STAG1: variants seen among roughly 807,000 people sequenced by gnomAD.
STAG1 encodes STAG1 cohesin complex component.
In STAG1, 26 loss-of-function variants were observed where a neutral mutation model predicts 170.9. The ratio of observed to expected loss-of-function variants is 0.15; its 90% confidence interval spans 0.11 to 0.21. The LOEUF is 0.21. Among genes scored for constraint, STAG1 ranks in the 10% least tolerant of loss-of-function variants. The pLI is 1.00. For missense variants in STAG1, 964 were observed against 1,509.5 expected (o/e 0.64, Z 5.99); for synonymous variants, 514 against 497.7 (o/e 1.03, Z -0.44).
At chr3:136,377,887 A>G (rs75774049) in intron 22 of STAG1, 135 bp from the exon 23 acceptor site, 2 of 687,892 alleles carry the variant, frequency 2.9e-6, no homozygotes, top group Non-Finnish European at 2.5e-6. Context: ...AATGTTGGGA[A>G]CCATTTAATG....
intron 1 of STAG1, chr3:136,737,016 C>T: frequency 2.6e-6 from 4 of 1,567,268 alleles, no homozygotes; most frequent in Non-Finnish European, 8.8e-7. Context: ...TGGATAACTG[C>T]CGCTTTTTTA....
At position 136,349,214 on chromosome 3, in the gene STAG1, G is replaced by T. The variant is rs1377634957; in HGVS notation, c.3215C>A (p.Thr1072Asn). 6 of 1,614,030 alleles carry T rather than the reference G, an allele frequency of 3.7e-6. No individual in the cohort carries two copies. Among genetic ancestry groups the T allele is most frequent in the Non-Finnish European group, 5.1e-6 (6 of 1,179,994 alleles). ...SVNSGSSSSK[T>N]SSVRNKKGRP... ...TCCTTTCTTATTCCTTACTGATGAG[G>T]TTTTGCTGCTGCTACTTCCACTGTT... is the stretch of plus-strand genomic sequence containing the variant. Residue 1072 changes from threonine (T) to asparagine (N), a missense_variant, in exon 29 of 34, where the codon ACC (threonine) becomes AAC (asparagine). This residue lies in a region of STAG1 where 122 missense variants were observed against 129.0 expected (regional missense o/e 0.95). Coordinates refer to ENST00000383202, the MANE Select transcript of STAG1 (RefSeq NM_005862.3).
At chr3:136,603,452 T>C (rs1279639256) in intron 4 of STAG1, among the ~76,000 whole-genome samples, 2 of 152,140 alleles carry the variant, frequency 1.3e-5, no homozygotes. Context: ...ACATAAATAA[T>C]AAACACATTT....
intron 22 of STAG1, among the ~76,000 whole-genome samples, chr3:136,393,556 A>G (rs904832578): frequency 3.9e-5 from 6 of 151,922 alleles, no homozygotes; most frequent in African/African-American, 1.5e-4. Flanking sequence ...ACAATAAGGT[A>G]ATGACAACAA....
Position 136,357,992 on chromosome 3 carries a change from A to AATCT in STAG1, c.2937-145_2937-144insAGAT, listed in dbSNP as rs549998404. On this transcript the variant is annotated intron_variant, in intron 27 of 33. Coordinates refer to ENST00000383202, the MANE Select transcript of STAG1 (RefSeq NM_005862.3). ...TAAATTCAAATAATAAACTAATGTG[A>AATCT]ATATATAGGACATATTTGTGTATAT... The AATCT allele has an allele frequency of 4.5e-5, 29 of 649,518 alleles. No individual in the cohort carries two copies. In the Middle Eastern group the frequency reaches 1.2e-3, roughly 27 times the overall value. The allele number at this position is 649,518 out of a possible 1,614,324, so 40.2% of individuals were successfully genotyped here. A position where few individuals can be genotyped will look rare whatever the true frequency, so the allele number is the denominator to read the frequency against.
At chr3:136,384,442 T>TC (rs925911080) in intron 22 of STAG1, among the ~76,000 whole-genome samples, 2 of 138,462 alleles carry the variant, frequency 1.4e-5, no homozygotes, top group African/African-American at 5.4e-5. Context: ...AGAGCAAGAC[T>TC]CCGTCTCAAA....
intron 1 of STAG1, among the ~76,000 whole-genome samples, chr3:136,680,559 A>C (rs1434300511): frequency 6.6e-6 from 1 of 152,082 alleles, no homozygotes; most frequent in Non-Finnish European, 1.5e-5. Flanking sequence ...CGGGAAGGAA[A>C]GTTGAAAACC....
At chr3:136,427,698 T>C (rs1204506718) in intron 16 of STAG1, among the ~76,000 whole-genome samples, 1 of 151,980 alleles carries the variant, frequency 6.6e-6, no homozygotes, top group Non-Finnish European at 1.5e-5. Flanking sequence ...ATTACTGCTA[T>C]ACTAGCAGGT....
chr3:136,511,011 A>G (rs1269717651), intron 7 of STAG1, among the ~76,000 whole-genome samples: 1 of 152,046 alleles, frequency 6.6e-6, no homozygotes, highest in Non-Finnish European at 1.5e-5. Flanking sequence ...ACCTCAAGTA[A>G]TCCACCTGTC....
chr3:136,556,394 TG>T (rs1458809740), intron 5 of STAG1, among the ~76,000 whole-genome samples: 1 of 152,094 alleles, frequency 6.6e-6, no homozygotes, highest in African/African-American at 2.4e-5. Context: ...TGACATTTAG[TG>T]GGTAGAGGCC....
At chr3:136,613,982 A>C (rs1939447759) in intron 3 of STAG1, among the ~76,000 whole-genome samples, 1 of 151,866 alleles carries the variant, frequency 6.6e-6, no homozygotes, top group African/African-American at 2.4e-5. Context: ...TGGGAGGCTG[A>C]TGCGGATGGA....
intron 16 of STAG1, 71 bp from the exon 17 acceptor site, chr3:136,423,115 T>G (rs2088007455): frequency 3.1e-6 from 3 of 957,100 alleles, no homozygotes; most frequent in African/African-American, 1.7e-5. Context: ...CATATATTGA[T>G]GAAGCACTGG....
Position 136,702,980 on chromosome 3 carries a change from A to G in STAG1, c.-84+49215T>C, listed in dbSNP as rs147822215. Among the ~76,000 whole-genome samples, 18 of 151,196 alleles carry G rather than the reference A, an allele frequency of 1.2e-4. No individual in the cohort carries two copies. The East Asian group carries it at 3.6e-3, about 30-fold the overall frequency. On this transcript the variant is annotated intron_variant, in intron 1 of 33. Coordinates refer to ENST00000383202, the MANE Select transcript of STAG1 (RefSeq NM_005862.3). ...CTACTCAGGAGGCTGAGGCAGGAGAATCATTTGAACCCGGGAGGCACAGGT... is the reference window on the plus strand; with the variant it reads ...CTACTCAGGAGGCTGAGGCAGGAGAGTCATTTGAACCCGGGAGGCACAGGT...
chr3:136,705,378 A>AACACACACACACAC (rs3066789), intron 1 of STAG1, among the ~76,000 whole-genome samples: 1 of 143,206 alleles, frequency 7.0e-6, no homozygotes, highest in Non-Finnish European at 1.5e-5. Flanking sequence ...ATGATCATCA[A>AACACACACACACAC]ACACACACAC....
At chr3:136,391,913 A>G (rs2087021236) in intron 22 of STAG1, among the ~76,000 whole-genome samples, 1 of 152,230 alleles carries the variant, frequency 6.6e-6, no homozygotes, top group South Asian at 2.1e-4. Flanking sequence ...AACCCAGTGC[A>G]CTTCCATTTC....
At chr3:136,722,634 CTCTCCCCCTCCCTCTCCCCTCTCCCT>C (rs1026657295) in intron 1 of STAG1, among the ~76,000 whole-genome samples, 2 of 149,556 alleles carry the variant, frequency 1.3e-5, no homozygotes, top group African/African-American at 2.5e-5. Flanking sequence ...CTCCCTCTCC[CTCTCCCCCTCCCTCTCCCCTCTCCCT>C]TCTCCCCTCT....
At chr3:136,532,417 C>CT (rs1935419426) in intron 6 of STAG1, among the ~76,000 whole-genome samples, 1 of 152,064 alleles carries the variant, frequency 6.6e-6, no homozygotes, top group Non-Finnish European at 1.5e-5. Flanking sequence ...AATTCTCTCC[C>CT]TTTAAGTTTT....
chr3:136,637,734 A>G (rs1940627526), intron 1 of STAG1, among the ~76,000 whole-genome samples: 1 of 152,180 alleles, frequency 6.6e-6, no homozygotes, highest in Non-Finnish European at 1.5e-5. Context: ...GTGGTAAGTG[A>G]CTGGAAGAGT....
intron 1 of STAG1, among the ~76,000 whole-genome samples, chr3:136,699,269 T>G (rs1372053120): frequency 6.6e-6 from 1 of 152,180 alleles, no homozygotes; most frequent in Non-Finnish European, 1.5e-5. Flanking sequence ...CTACTTAATT[T>G]TATAGGAAGA....
Sources: allele counts gnomAD v4.1 joint callset (sites outside exome capture counted in the v4.1 genomes callset), GRCh38; gene constraint gnomAD v4.1.1; regional missense constraint gnomAD v4.1.1; transcripts MANE v1.5; gene names NCBI Gene and HGNC (gene_info 2026-07-23, HGNC 2026-07-21).